RAD51B: variants seen among roughly 807,000 people sequenced by gnomAD.
RAD51B encodes DNA repair protein RAD51 homolog 2.
In RAD51B, 38 loss-of-function variants were observed where a neutral mutation model predicts 42.2. The observed-to-expected ratio is 0.90, with a 90% CI of 0.70 to 1.18. RAD51B has a LOEUF of 1.18. Ranked by LOEUF, RAD51B falls within the 50% of genes most tolerant of loss-of-function variation. The pLI is 0.00. For synonymous variants in RAD51B, 154 were observed against 145.2 expected (o/e 1.06, Z -0.43); for missense variants, 373 against 400.7 (o/e 0.93, Z 0.59).
intron 8 of RAD51B, among the ~76,000 whole-genome samples, chr14:68,346,767 C>A (rs1234739282): frequency 6.6e-6 from 1 of 152,160 alleles, no homozygotes; most frequent in South Asian, 2.1e-4. Flanking sequence ...GTTCTCCAGC[C>A]GTATATCTCT....
intron 7 of RAD51B, among the ~76,000 whole-genome samples, chr14:68,027,645 T>C (rs1461446216): frequency 6.6e-6 from 1 of 152,196 alleles, no homozygotes; most frequent in Non-Finnish European, 1.5e-5. Flanking sequence ...TTCCAATTAT[T>C]CCAATTATGA....
At chr14:68,488,199 CTTTTTT>C (rs201866707) in intron 10 of RAD51B, among the ~76,000 whole-genome samples, 17,814 of 108,242 alleles carry the variant, frequency 0.16, 1,324 homozygotes, top group East Asian at 0.52. Flanking sequence ...TAGGGTTTGT[CTTTTTT>C]TTTTTTTTTT....
chr14:68,328,646 C>G (rs927377431), intron 8 of RAD51B, among the ~76,000 whole-genome samples: 6 of 152,022 alleles, frequency 3.9e-5, no homozygotes, highest in African/African-American at 1.2e-4. Context: ...TCCTCCAACT[C>G]TAGAGGTTGT....
At position 68,394,911 on chromosome 14, in the gene RAD51B, G is replaced by C. The variant is rs527963610; in HGVS notation, c.854-16513G>C. 7.3e-5 allele frequency among the ~76,000 whole-genome samples: 11 copies of C among 150,902 alleles called. No individual in the cohort carries two copies. In the South Asian group the frequency reaches 2.1e-3, roughly 29 times the overall value. ...GCTGCCTCCAGCCCCCCTCACCCCCGCCTGCTCTTTTTCTCAGTGAGCCTC... is the reference window on the plus strand; with the variant it reads ...GCTGCCTCCAGCCCCCCTCACCCCCCCCTGCTCTTTTTCTCAGTGAGCCTC... On this transcript the variant is annotated intron_variant, in intron 8 of 10. Transcript: ENST00000471583.
chr14:68,613,207 G>A (rs1371603081), downstream of RAD51B, among the ~76,000 whole-genome samples: 1 of 152,146 alleles, frequency 6.6e-6, no homozygotes, highest in Non-Finnish European at 1.5e-5. Flanking sequence ...CCTGAGGTCA[G>A]GAGTTCAAGA....
intron 10 of RAD51B, among the ~76,000 whole-genome samples, chr14:68,468,778 C>T (rs1275721472): frequency 6.6e-6 from 1 of 152,176 alleles, no homozygotes; most frequent in African/African-American, 2.4e-5. Context: ...GGGGACCAGA[C>T]CTTTAGGACC....
At chr14:68,493,524 C>T (rs1219699979) in intron 10 of RAD51B, among the ~76,000 whole-genome samples, 1 of 152,222 alleles carries the variant, frequency 6.6e-6, no homozygotes, top group East Asian at 1.9e-4. Flanking sequence ...AAATCATTTG[C>T]AACTTGCACA....
chr14:68,219,023 A>T (rs2079871735), intron 7 of RAD51B, among the ~76,000 whole-genome samples: 2 of 152,232 alleles, frequency 1.3e-5, no homozygotes, highest in Non-Finnish European at 1.5e-5. Flanking sequence ...GACAGCAGAG[A>T]TACTTTCATA....
intron 9 of RAD51B, among the ~76,000 whole-genome samples, chr14:68,446,827 T>C (rs897861397): frequency 3.3e-5 from 5 of 152,222 alleles, no homozygotes; most frequent in African/African-American, 4.8e-5. Context: ...TCAGGTCAGT[T>C]ACTCCTGACA....
chr14:68,514,519 G>A (rs562050110), intron 10 of RAD51B, among the ~76,000 whole-genome samples: 1 of 152,248 alleles, frequency 6.6e-6, no homozygotes, highest in African/African-American at 2.4e-5. Context: ...TCCAGGCCCC[G>A]GCTTCCCTGG....
intron 10 of RAD51B, among the ~76,000 whole-genome samples, chr14:68,489,356 C>G (rs1235487391): frequency 6.6e-6 from 1 of 152,128 alleles, no homozygotes; most frequent in Admixed American, 6.6e-5. Flanking sequence ...CACTTACTAG[C>G]TTTGTGATCT....
chr14:68,409,381 A>G (rs183447639), intron 8 of RAD51B, among the ~76,000 whole-genome samples: 2 of 152,322 alleles, frequency 1.3e-5, no homozygotes, highest in African/African-American at 4.8e-5. Context: ...CTACATGTTA[A>G]TATGCAAGCA....
intron 7 of RAD51B, among the ~76,000 whole-genome samples, chr14:68,179,585 C>A (rs1304799059): frequency 6.6e-6 from 1 of 152,120 alleles, no homozygotes; most frequent in Non-Finnish European, 1.5e-5. Context: ...TCTTTCTGAT[C>A]TTAGTCTAGA....
intron 11 of RAD51B, among the ~76,000 whole-genome samples, chr14:68,660,751 TC>T (rs1197646624): frequency 6.6e-6 from 1 of 152,134 alleles, no homozygotes; most frequent in East Asian, 1.9e-4. Flanking sequence ...TAGGCAATGC[TC>T]CCAGAGGGGG....
chr14:68,240,717 A>G (rs1457958484), intron 7 of RAD51B, among the ~76,000 whole-genome samples: 1 of 152,230 alleles, frequency 6.6e-6, no homozygotes, highest in African/African-American at 2.4e-5. Flanking sequence ...CATTAGCCCA[A>G]GGAAATTTGC....
intron 7 of RAD51B, among the ~76,000 whole-genome samples, chr14:68,125,735 G>T (rs143844403): frequency 6.6e-6 from 1 of 150,994 alleles, no homozygotes; most frequent in African/African-American, 2.5e-5. Context: ...AGGTATTTAA[G>T]AGGTTTTTGT....
intron 10 of RAD51B, among the ~76,000 whole-genome samples, chr14:68,549,227 C>A (rs756674079): frequency 6.6e-6 from 1 of 151,608 alleles, no homozygotes; most frequent in Non-Finnish European, 1.5e-5. Flanking sequence ...TTTTGAGCCA[C>A]AGTCTATAGT....
At chr14:68,088,120 T>C (rs2077028981) in intron 7 of RAD51B, among the ~76,000 whole-genome samples, 1 of 149,110 alleles carries the variant, frequency 6.7e-6, no homozygotes, top group Non-Finnish European at 1.5e-5. Context: ...TTGTTAGAAT[T>C]CCAGATCAAA....
At chr14:68,364,059 G>T (rs765520281) in intron 8 of RAD51B, among the ~76,000 whole-genome samples, 1 of 152,212 alleles carries the variant, frequency 6.6e-6, no homozygotes, top group Non-Finnish European at 1.5e-5. Context: ...GGAAGTATCT[G>T]CTGCTGAGCT....
Sources: allele counts gnomAD v4.1 joint callset (sites outside exome capture counted in the v4.1 genomes callset), GRCh38; gene constraint gnomAD v4.1.1; transcripts MANE v1.5; gene names NCBI Gene and HGNC (gene_info 2026-07-23, HGNC 2026-07-21).